Variants in C16orf46 observed in about 807,000 individuals in gnomAD.
C16orf46 encodes the protein chromosome 16 open reading frame 46.
C16orf46 carries 7 observed loss-of-function variants against 5.5 expected under a neutral mutation model. The ratio of observed to expected loss-of-function variants is 1.28; its 90% CI spans 0.73 to 2.40. C16orf46 has a LOEUF of 2.40. Ranked by LOEUF, C16orf46 falls within the 30% of genes most tolerant of loss-of-function variation. The pLI, the probability that C16orf46 is intolerant of heterozygous loss-of-function variation, is 0.00. For synonymous variants in C16orf46, 200 were observed against 184.1 expected (o/e 1.09, Z -0.70); for missense variants, 614 against 476.0 (o/e 1.29, Z -2.70).
intron 3 of C16orf46, chr16:81,054,133 C>T (rs188663962): frequency 2.5e-6 from 4 of 1,594,630 alleles, no homozygotes; most frequent in African/African-American, 1.3e-5. Flanking sequence ...AAATGTAGAG[C>T]CCATGCTGCA....
intron 3 of C16orf46, among the ~76,000 whole-genome samples, chr16:81,063,263 A>C (rs985935450): frequency 1.3e-5 from 2 of 151,088 alleles, no homozygotes; most frequent in Non-Finnish European, 3.0e-5. Context: ...AAAAAAAAAA[A>C]AAAAACCCAC....
intron 1 of C16orf46, among the ~76,000 whole-genome samples, chr16:81,072,550 A>C (rs1025432109): frequency 6.6e-6 from 1 of 151,820 alleles, no homozygotes; most frequent in Non-Finnish European, 1.5e-5. Flanking sequence ...ATGCCAGGCT[A>C]ATTTTGTATT....
At chr16:81,060,962 TA>T (rs1019920720), downstream of C16orf46, 10 of 1,352,002 alleles carry the variant, frequency 7.4e-6, no homozygotes, top group African/African-American at 3.0e-5. Context: ...TTTTAGAAAA[TA>T]AATCCCAACA....
At chr16:81,070,012 G>C (rs887302242) in intron 1 of C16orf46, 1 of 152,072 alleles carries the variant, frequency 6.6e-6, no homozygotes, top group Admixed American at 6.6e-5. Flanking sequence ...TACAATCCCA[G>C]CTATTCAGGA....
rs80076505 is a variant in C16orf46 at position 81,071,671 on chromosome 16, G to A, written c.-127-5390C>T. On this transcript the variant is annotated intron_variant, in intron 1 of 3. Coordinates refer to ENST00000299578, the MANE Select transcript of C16orf46 (RefSeq NM_152337.3). ...TGAAGTGGGGGATCCCATGGGCCCC[G>A]GAGGGAGATCTTGTCTCTAAATCAA... 4.3e-3 allele frequency among the ~76,000 whole-genome samples: 661 copies of A among 152,182 alleles called. 5 individuals carry two copies. The highest frequency in any genetic ancestry group is 0.02 in the Middle Eastern group (6 of 294).
At chr16:81,063,076 T>A (rs560148016) in intron 3 of C16orf46, among the ~76,000 whole-genome samples, 9 of 151,208 alleles carry the variant, frequency 6.0e-5, no homozygotes, top group Non-Finnish European at 1.0e-4. Flanking sequence ...TGAAACCCCG[T>A]CTCTACTAAA....
At chr16:81,067,244 TA>T (rs2151753864) in intron 1 of C16orf46, among the ~76,000 whole-genome samples, 2 of 152,292 alleles carry the variant, frequency 1.3e-5, no homozygotes, top group Admixed American at 1.3e-4. Flanking sequence ...CAAAGAAATG[TA>T]AAGTGGTTTA....
At chr16:81,058,325 C>T (rs187423414), downstream of C16orf46, among the ~76,000 whole-genome samples, 1,333 of 152,176 alleles carry the variant, frequency 8.8e-3, 6 homozygotes, top group Middle Eastern at 0.02. Flanking sequence ...GAGACTGTGT[C>T]CAAGAAAATA....
downstream of C16orf46, chr16:81,060,289 T>C (rs75923695): frequency 0.08 from 12,165 of 152,468 alleles, 536 homozygotes; most frequent in East Asian, 0.2. Context: ...GCCTTGGACG[T>C]CCTGGACACA....
intron 2 of C16orf46, among the ~76,000 whole-genome samples, chr16:81,065,620 T>G (rs1358089767): frequency 2.0e-5 from 3 of 152,166 alleles, no homozygotes; most frequent in Non-Finnish European, 4.4e-5. Context: ...AAGCACCCAG[T>G]GTCTTCTCAA....
At position 81,061,362 on chromosome 16, in the gene C16orf46, T is replaced by A. The variant is rs780653712; in HGVS notation, c.987A>T (p.Lys329Asn). The A allele has an allele frequency of 6.2e-7, 1 of 1,614,116 alleles. No homozygotes were observed. The highest frequency in any genetic ancestry group is 8.5e-7 in the Non-Finnish European group (1 of 1,180,016). ...RYLAALQLLQ[K>N]RGVQSYKSKF... ...TGGATTTGTAGCTTTGCACTCCCCG[T>A]TTCTGCAGAAGCTGCAAGGCAGCAA... Residue 329 changes from lysine to asparagine, a missense_variant, in exon 4 of 4, where the codon AAA becomes AAT. Physicochemically the swap from Lys to Asn is moderately conservative, Grantham distance 94. Coordinates refer to ENST00000299578, the MANE Select transcript of C16orf46 (RefSeq NM_152337.3).
intron 2 of C16orf46, among the ~76,000 whole-genome samples, chr16:81,064,362 C>CA (rs113685280): frequency 0.67 from 93,815 of 139,084 alleles, 30,896 homozygotes; most frequent in South Asian, 0.79. Context: ...GATTACATCT[C>CA]AAAAAAAAAA....
At chr16:81,068,667 T>C (rs527987860) in intron 1 of C16orf46, among the ~76,000 whole-genome samples, 87 of 151,224 alleles carry the variant, frequency 5.8e-4, no homozygotes, top group African/African-American at 2.1e-3. Context: ...CCCAAAGTGC[T>C]GGGATTACAG....
At chr16:81,072,381 A>C (rs1051518368) in intron 1 of C16orf46, among the ~76,000 whole-genome samples, 1 of 151,420 alleles carries the variant, frequency 6.6e-6, no homozygotes. Context: ...GCTATAACAT[A>C]CTTTTTATTA....
chr16:81,059,087 T>C (rs914739753), downstream of C16orf46, among the ~76,000 whole-genome samples: 1 of 151,992 alleles, frequency 6.6e-6, no homozygotes. Context: ...CAGAGTCTTG[T>C]TCTGTTGCCC....
downstream of C16orf46, among the ~76,000 whole-genome samples, chr16:81,057,671 T>C (rs1483148926): frequency 1.2e-5 from 1 of 82,220 alleles, no homozygotes; most frequent in South Asian, 5.1e-4. Flanking sequence ...CTGAAGTTCA[T>C]TTAGGTTGTT....
downstream of C16orf46, among the ~76,000 whole-genome samples, chr16:81,056,845 C>A (rs1282137208): frequency 1.3e-5 from 2 of 152,096 alleles, no homozygotes; most frequent in African/African-American, 4.8e-5. Flanking sequence ...GCTGGGCGTT[C>A]CCCCAGCTCC....
Position 81,076,131 on chromosome 16 carries a change from T to C in C16orf46, c.-128+1005A>G, listed in dbSNP as rs534957047. 3.9e-5 allele frequency among the ~76,000 whole-genome samples: 6 copies of C among 152,318 alleles called. No homozygotes were observed. The East Asian group carries it at 9.6e-4, about 24-fold the overall frequency. On this transcript the variant is annotated intron_variant, in intron 1 of 3. Coordinates refer to ENST00000299578, the MANE Select transcript of C16orf46 (RefSeq NM_152337.3). ...AATGAAGGAATAATCATTAGAAATATTGTTAGCCATGGCAGAAGTTAAGTT... is the reference window on the plus strand; with the variant it reads ...AATGAAGGAATAATCATTAGAAATACTGTTAGCCATGGCAGAAGTTAAGTT...
intron 2 of C16orf46, among the ~76,000 whole-genome samples, chr16:81,065,502 CATG>C (rs1971628229): frequency 6.8e-6 from 1 of 146,212 alleles, no homozygotes; most frequent in African/African-American, 2.5e-5. Flanking sequence ...AAAGCAAAAG[CATG>C]ATACCTTCCT....
Sources: allele counts gnomAD v4.1 joint callset (sites outside exome capture counted in the v4.1 genomes callset), GRCh38; gene constraint gnomAD v4.1.1; transcripts MANE v1.5; gene names NCBI Gene and HGNC (gene_info 2026-07-23, HGNC 2026-07-21).